The following CCDC150 variants were observed in gnomAD, a reference collection of about 807,000 sequenced individuals.
CCDC150 encodes the protein coiled-coil domain-containing protein 150.
A neutral mutation model predicts 156.5 loss-of-function variants in CCDC150; 151 were observed. The ratio of observed to expected loss-of-function variants is 0.97; its 90% CI spans 0.85 to 1.10. CCDC150 has a LOEUF of 1.10. CCDC150 is among the 50% of genes least tolerant of loss of function. The pLI is 0.00. For synonymous variants in CCDC150, 452 were observed against 429.4 expected (o/e 1.05, Z -0.65); for missense variants, 1,312 against 1,268.1 (o/e 1.03, Z -0.53).
intron 2 of CCDC150, among the ~76,000 whole-genome samples, chr2:196,646,914 G>A (rs866595666): frequency 2.7e-4 from 41 of 151,984 alleles, no homozygotes; most frequent in African/African-American, 9.9e-4. Context: ...AAATTAAAAG[G>A]GGTTTTTGAA....
intron 2 of CCDC150, among the ~76,000 whole-genome samples, chr2:196,649,912 C>T (rs1692774914): frequency 6.6e-6 from 1 of 152,148 alleles, no homozygotes; most frequent in African/African-American, 2.4e-5. Context: ...TTAGGGTTTT[C>T]TGTACATGAG....
At position 196,721,653 on chromosome 2, in the gene CCDC150, A is replaced by C; in HGVS notation, c.2391A>C (p.Glu797Asp). Reference sequence around the variant, plus strand: ...TAGATCACATTCAAGAGCAATTGGAAAGCAAAGAACTTGAGCGACAGAATT... The same window carrying C: ...TAGATCACATTCAAGAGCAATTGGACAGCAAAGAACTTGAGCGACAGAATT... ...TKLDHIQEQL[E>D]SKELERQNLE... The change falls in exon 21 of 28, where the codon GAA becomes GAC. Residue 797 changes from glutamate to aspartate, a missense_variant. Glu to Asp is a conservative substitution (Grantham distance 45). Coordinates refer to ENST00000389175, the MANE Select transcript of CCDC150 (RefSeq NM_001080539.2). 2 of 1,603,416 alleles carry C rather than the reference A, an allele frequency of 1.2e-6. No homozygotes were observed. The highest frequency in any genetic ancestry group is 8.5e-7 in the Non-Finnish European group (1 of 1,175,352).
chr2:196,707,275 A>T (rs1004439693), intron 15 of CCDC150, among the ~76,000 whole-genome samples: 8 of 151,632 alleles, frequency 5.3e-5, no homozygotes, highest in Non-Finnish European at 7.4e-5. Flanking sequence ...TTTCTTCTAG[A>T]TTTTCTGGTT....
intron 15 of CCDC150, among the ~76,000 whole-genome samples, chr2:196,707,397 A>G (rs559895122): frequency 1.2e-3 from 179 of 150,892 alleles, no homozygotes; most frequent in African/African-American, 4.0e-3. Flanking sequence ...ATTCTTCTCT[A>G]TTTTTTTCTT....
At chr2:196,666,232 A>G (rs1168438881) in intron 6 of CCDC150, among the ~76,000 whole-genome samples, 1 of 152,236 alleles carries the variant, frequency 6.6e-6, no homozygotes, top group Non-Finnish European at 1.5e-5. Context: ...AATTTAGAAT[A>G]CTTTAAATTC....
At chr2:196,692,627 G>T (rs986797706) in intron 13 of CCDC150, among the ~76,000 whole-genome samples, 2 of 152,182 alleles carry the variant, frequency 1.3e-5, no homozygotes, top group Non-Finnish European at 1.5e-5. Context: ...CCATGTAGTT[G>T]TGTGGTTTTG....
At chr2:196,705,511 C>G (rs1352726321) in intron 15 of CCDC150, among the ~76,000 whole-genome samples, 1 of 152,054 alleles carries the variant, frequency 6.6e-6, no homozygotes, top group East Asian at 1.9e-4. Context: ...TGTTCACTCT[C>G]ATGGTAGTTA....
intron 21 of CCDC150, among the ~76,000 whole-genome samples, chr2:196,724,051 A>G (rs1698075541): frequency 6.6e-6 from 1 of 152,220 alleles, no homozygotes; most frequent in Admixed American, 6.5e-5. Context: ...ATGAGGTTGG[A>G]CATTTCTTCC....
chr2:196,671,054 A>G (rs540886270), intron 8 of CCDC150, among the ~76,000 whole-genome samples: 4 of 152,234 alleles, frequency 2.6e-5, no homozygotes, highest in Admixed American at 6.5e-5. Flanking sequence ...CTATATTGAC[A>G]CATTATCACC....
chr2:196,695,325 AT>A (rs1392116413), intron 14 of CCDC150, among the ~76,000 whole-genome samples, 166 bp downstream of exon 14: 1 of 152,266 alleles, frequency 6.6e-6, no homozygotes, highest in Non-Finnish European at 1.5e-5. Flanking sequence ...GAAACCAAGA[AT>A]TTAAGGGATT....
intron 19 of CCDC150, chr2:196,719,906 T>C (rs1697778990): frequency 5.9e-6 from 2 of 340,102 alleles, no homozygotes; most frequent in Non-Finnish European, 1.1e-5. Context: ...CTATATATCC[T>C]AGAAATTCAC....
intron 21 of CCDC150, among the ~76,000 whole-genome samples, chr2:196,723,467 A>G: frequency 6.6e-6 from 1 of 152,148 alleles, no homozygotes; most frequent in African/African-American, 2.4e-5. Flanking sequence ...AGGCCACTGC[A>G]CTCCAGCCTG....
chr2:196,646,189 A>G (rs1692528561), intron 1 of CCDC150, among the ~76,000 whole-genome samples, 152 bp from the exon 2 acceptor site: 1 of 152,174 alleles, frequency 6.6e-6, no homozygotes, highest in African/African-American at 2.4e-5. Flanking sequence ...GGCTCTTATA[A>G]CTTCCACCTA....
intron 13 of CCDC150, 128 bp downstream of exon 13, chr2:196,677,489 C>A: frequency 1.5e-6 from 1 of 667,090 alleles, no homozygotes; most frequent in Non-Finnish European, 2.7e-6. Flanking sequence ...AGCTATGAAG[C>A]TGGATGCCAC....
chr2:196,675,531 T>C (rs1282426419), intron 10 of CCDC150, among the ~76,000 whole-genome samples: 4 of 152,164 alleles, frequency 2.6e-5, no homozygotes, highest in Admixed American at 1.3e-4. Context: ...CTTTATGGAT[T>C]ATGTGTAGGG....
chr2:196,640,044 T>C (rs1692119445), intron 1 of CCDC150, among the ~76,000 whole-genome samples: 1 of 152,176 alleles, frequency 6.6e-6, no homozygotes, highest in Non-Finnish European at 1.5e-5. Flanking sequence ...CAATACCACC[T>C]TTATTTATGT....
chr2:196,683,019 C>T (rs1694933675), intron 13 of CCDC150, among the ~76,000 whole-genome samples: 1 of 151,824 alleles, frequency 6.6e-6, no homozygotes, highest in Non-Finnish European at 1.5e-5. Flanking sequence ...ATTTCATTTT[C>T]GTATATAATT....
chr2:196,672,379 A>G lies in CCDC150; in HGVS notation c.971A>G (p.Glu324Gly), dbSNP rs1182073184. The G allele has an allele frequency of 2.6e-6, 4 of 1,547,620 alleles. No individual in the cohort carries two copies. The African/African-American group carries it at 4.1e-5, about 16-fold the overall frequency. The part of the protein sequence containing the change: ...LQISFNKEHE[E>G]NAYLRSEIMS... ...ATATCTTTCAACAAGGAACATGAAGAAAATGCATATTTGAGGTCCGAAATA... is the reference window on the plus strand; with the variant it reads ...ATATCTTTCAACAAGGAACATGAAGGAAATGCATATTTGAGGTCCGAAATA... Residue 324 changes from glutamate (E) to glycine (G), a missense_variant, in exon 9 of 28, where the codon GAA becomes GGA. Transcript: ENST00000389175.
At chr2:196,671,323 G>C (rs1694185682) in intron 8 of CCDC150, among the ~76,000 whole-genome samples, 1 of 151,520 alleles carries the variant, frequency 6.6e-6, no homozygotes, top group African/African-American at 2.4e-5. Context: ...GAATCATATA[G>C]TCTATAGCCT....
Sources: allele counts gnomAD v4.1 joint callset (sites outside exome capture counted in the v4.1 genomes callset), GRCh38; gene constraint gnomAD v4.1.1; transcripts MANE v1.5; gene names NCBI Gene and HGNC (gene_info 2026-07-23, HGNC 2026-07-21).